TBC1D5: variants seen among roughly 807,000 people sequenced by gnomAD.
TBC1D5 encodes TBC1 domain family member 5.
In TBC1D5, 75 loss-of-function variants were observed where a neutral mutation model predicts 100.3. The ratio of observed to expected loss-of-function variants is 0.75; its 90% CI spans 0.62 to 0.91. TBC1D5 has a LOEUF of 0.91. Ranked by LOEUF, TBC1D5 falls within the 40% of genes least tolerant of loss-of-function variation. The probability of loss-of-function intolerance (pLI) is 0.00; values close to 1 mark genes in which losing one functional copy is unlikely to be tolerated. For missense variants in TBC1D5, 910 were observed against 942.4 expected (o/e 0.97, Z 0.45); for synonymous variants, 323 against 325.6 (o/e 0.99, Z 0.09).
chr3:17,311,892 T>C lies in TBC1D5; in HGVS notation c.996-3758A>G, dbSNP rs972585100. On this transcript the variant is annotated intron_variant, in intron 13 of 21. Transcript: ENST00000253692. ...AATGTTAGATTTTTGCTCAATGATA[T>C]CAATTTTGTGTTTTGCTTTCTGTTC... Among the ~76,000 whole-genome samples, 8 of 152,084 alleles carry C rather than the reference T, an allele frequency of 5.3e-5. No homozygotes were observed. In the South Asian group the frequency reaches 8.3e-4, roughly 16 times the overall value.
intron 1 of TBC1D5, among the ~76,000 whole-genome samples, chr3:17,736,424 C>G (rs146884768): frequency 2.0e-5 from 3 of 152,088 alleles, no homozygotes; most frequent in Non-Finnish European, 4.4e-5. Flanking sequence ...CTAAGTCACC[C>G]CATCTATTTA....
intron 14 of TBC1D5, among the ~76,000 whole-genome samples, chr3:17,298,527 G>T (rs988499750): frequency 1.3e-5 from 2 of 152,198 alleles, no homozygotes; most frequent in African/African-American, 4.8e-5. Context: ...AACAAAGGCA[G>T]ACACTGAGTG....
intron 1 of TBC1D5, among the ~76,000 whole-genome samples, chr3:17,682,167 G>C (rs4401390): frequency 1 from 151,287 of 151,402 alleles, 75,586 homozygotes; most frequent in East Asian, 1. Flanking sequence ...CTTTAACAGG[G>C]CAGGTGTGAT....
chr3:17,360,272 T>G (rs185845669), intron 13 of TBC1D5, among the ~76,000 whole-genome samples: 135 of 152,162 alleles, frequency 8.9e-4, no homozygotes, highest in African/African-American at 3.2e-3. Context: ...TATTAAATAT[T>G]CGTTTTTCCT....
chr3:17,683,071 C>T (rs1392856651), intron 1 of TBC1D5, among the ~76,000 whole-genome samples: 2 of 151,452 alleles, frequency 1.3e-5, no homozygotes, highest in Non-Finnish European at 1.5e-5. Context: ...TTTTAAGGTT[C>T]CCCAGAATAT....
intron 2 of TBC1D5, among the ~76,000 whole-genome samples, chr3:17,551,775 T>G (rs535490770): frequency 7.9e-5 from 12 of 152,244 alleles, no homozygotes; most frequent in Non-Finnish European, 1.8e-4. Flanking sequence ...GCAATTTTTA[T>G]TAAACATTTA....
chr3:17,651,630 G>C (rs1188533517), intron 1 of TBC1D5, among the ~76,000 whole-genome samples: 1 of 152,058 alleles, frequency 6.6e-6, no homozygotes, highest in Non-Finnish European at 1.5e-5. Context: ...TTGAACCAGG[G>C]AGGCAGAGGT....
intron 2 of TBC1D5, among the ~76,000 whole-genome samples, chr3:17,597,212 C>T (rs901795243): frequency 1.3e-5 from 2 of 152,086 alleles, no homozygotes; most frequent in Non-Finnish European, 2.9e-5. Flanking sequence ...ACATCATGAC[C>T]GTGCTAGGGA....
intron 1 of TBC1D5, among the ~76,000 whole-genome samples, chr3:17,715,214 G>A (rs1013115379): frequency 6.6e-6 from 1 of 152,124 alleles, no homozygotes; most frequent in African/African-American, 2.4e-5. Context: ...TTGATCTCAA[G>A]TTCCTGTGAA....
intron 3 of TBC1D5, among the ~76,000 whole-genome samples, chr3:17,491,294 C>T (rs1170488037): frequency 6.6e-6 from 1 of 152,086 alleles, no homozygotes. Flanking sequence ...TATTTGAATA[C>T]CCATTATTTC....
At chr3:17,563,622 T>A (rs1368912056) in intron 2 of TBC1D5, among the ~76,000 whole-genome samples, 1 of 152,168 alleles carries the variant, frequency 6.6e-6, no homozygotes, top group African/African-American at 2.4e-5. Context: ...CAAAACAGTA[T>A]CTTTAGAAAG....
At chr3:17,272,117 A>T (rs1233935903) in intron 15 of TBC1D5, among the ~76,000 whole-genome samples, 1 of 152,194 alleles carries the variant, frequency 6.6e-6, no homozygotes, top group Non-Finnish European at 1.5e-5. Flanking sequence ...AGCTTAGTGA[A>T]GAAAGAATGA....
intron 14 of TBC1D5, among the ~76,000 whole-genome samples, chr3:17,306,299 C>G (rs2083395434): frequency 6.6e-6 from 1 of 152,152 alleles, no homozygotes; most frequent in African/African-American, 2.4e-5. Context: ...CATTTGAAAT[C>G]ATTTATGTCA....
At chr3:17,261,863 AATAAAACTTT>A (rs2078331594) in intron 15 of TBC1D5, among the ~76,000 whole-genome samples, 2 of 149,728 alleles carry the variant, frequency 1.3e-5, no homozygotes, top group South Asian at 2.1e-4. Flanking sequence ...TTTTTTTTCA[AATAAAACTTT>A]ATAAAAATAT....
intron 3 of TBC1D5, among the ~76,000 whole-genome samples, chr3:17,458,363 G>A (rs1228612342): frequency 1.3e-5 from 2 of 152,142 alleles, no homozygotes; most frequent in Admixed American, 6.5e-5. Context: ...CAGAGTCCAC[G>A]TGGAGATTAT....
chr3:17,619,718 C>A (rs1418082191), intron 2 of TBC1D5, among the ~76,000 whole-genome samples: 1 of 152,088 alleles, frequency 6.6e-6, no homozygotes, highest in East Asian at 1.9e-4. Context: ...CTCAATAGAA[C>A]TAAAGTACAG....
intron 21 of TBC1D5, 95 bp downstream of exon 22, chr3:17,166,672 A>G: frequency 6.7e-7 from 1 of 1,499,154 alleles, no homozygotes; most frequent in Non-Finnish European, 8.9e-7. Flanking sequence ...TGGTAATTTG[A>G]AGTAACTTTG....
intron 1 of TBC1D5, among the ~76,000 whole-genome samples, chr3:17,732,083 C>T (rs975423281): frequency 1.3e-5 from 2 of 151,954 alleles, no homozygotes; most frequent in Admixed American, 6.6e-5. Context: ...TTTGGGAGGC[C>T]GAGGCAGGCA....
At chr3:17,251,437 C>T (rs1295758625) in intron 16 of TBC1D5, among the ~76,000 whole-genome samples, 1 of 119,396 alleles carries the variant, frequency 8.4e-6, no homozygotes, top group African/African-American at 3.1e-5. Flanking sequence ...CCCCCCCCCC[C>T]CAGTAGAAGC....
Sources: allele counts gnomAD v4.1 joint callset (sites outside exome capture counted in the v4.1 genomes callset), GRCh38; gene constraint gnomAD v4.1.1; transcripts MANE v1.5; gene names NCBI Gene and HGNC (gene_info 2026-07-23, HGNC 2026-07-21).